Variants in RAD51B observed in about 807,000 individuals in gnomAD.
RAD51B encodes RAD51 paralog B, also known as DNA repair protein RAD51 homolog 2.
A neutral mutation model predicts 42.2 loss-of-function variants in RAD51B; 38 were observed. That is an observed-to-expected ratio of 0.90 (90% CI 0.70 to 1.18). RAD51B has a LOEUF of 1.18. RAD51B is among the 50% of genes most tolerant of loss of function. The pLI, the probability that RAD51B is intolerant of heterozygous loss-of-function variation, is 0.00. For synonymous variants in RAD51B, 154 were observed against 145.2 expected (o/e 1.06, Z -0.43); for missense variants, 373 against 400.7 (o/e 0.93, Z 0.59).
chr14:67,930,775 G>A (rs1595124875), intron 7 of RAD51B, among the ~76,000 whole-genome samples: 1 of 152,042 alleles, frequency 6.6e-6, no homozygotes, highest in East Asian at 1.9e-4. Flanking sequence ...AGGTTTTTGA[G>A]CATTTTTGTT....
intron 7 of RAD51B, among the ~76,000 whole-genome samples, chr14:68,227,822 C>A (rs967654330): frequency 7.9e-5 from 12 of 152,146 alleles, no homozygotes; most frequent in Admixed American, 2.0e-4. Context: ...GTATGATGGG[C>A]ATGCCTACAT....
intron 8 of RAD51B, among the ~76,000 whole-genome samples, chr14:68,364,244 G>C (rs986167708): frequency 2.6e-5 from 4 of 151,992 alleles, no homozygotes; most frequent in Admixed American, 2.6e-4. Flanking sequence ...TCCTCATCGC[G>C]GGCCTCAGGG....
At chr14:68,244,007 T>C (rs1470359776) in intron 7 of RAD51B, among the ~76,000 whole-genome samples, 1 of 152,210 alleles carries the variant, frequency 6.6e-6, no homozygotes, top group Non-Finnish European at 1.5e-5. Context: ...CTGCTTCCAG[T>C]GTATTACTTT....
rs112524897 is a variant in RAD51B, at chr14:68,315,615, G to T, written c.853+23635G>T. Among the ~76,000 whole-genome samples, 1,211 of 152,022 alleles carry T rather than the reference G, an allele frequency of 8.0e-3. 14 individuals are homozygous for T. The highest frequency in any genetic ancestry group is 0.028 in the African/African-American group (1,174 of 41,476). On this transcript the variant is annotated intron_variant, in intron 8 of 10. Coordinates refer to ENST00000471583, the MANE Select transcript of RAD51B (RefSeq NM_133510.4). ...CTGCTCACTGCAAGCTCCACCTCCCGGGTTCACACCATTCTCCTGCCTCAG... is the reference window on the plus strand; with the variant it reads ...CTGCTCACTGCAAGCTCCACCTCCCTGGTTCACACCATTCTCCTGCCTCAG...
chr14:67,918,355 C>G (rs1358692434), intron 7 of RAD51B, among the ~76,000 whole-genome samples: 1 of 152,174 alleles, frequency 6.6e-6, no homozygotes, highest in Non-Finnish European at 1.5e-5. Flanking sequence ...CTGCCTCAGC[C>G]TCCCGAGTAG....
chr14:68,253,493 A>G (rs571170951), intron 7 of RAD51B, among the ~76,000 whole-genome samples: 1 of 151,912 alleles, frequency 6.6e-6, no homozygotes, highest in Non-Finnish European at 1.5e-5. Context: ...TGTTTCAGTT[A>G]TTTTTCCCAG....
intron 8 of RAD51B, among the ~76,000 whole-genome samples, chr14:68,385,353 G>C (rs746979166): frequency 6.6e-6 from 1 of 152,038 alleles, no homozygotes; most frequent in Non-Finnish European, 1.5e-5. Context: ...ATAGATTTTC[G>C]CCTTACACCC....
intron 7 of RAD51B, among the ~76,000 whole-genome samples, chr14:68,070,140 TG>T (rs1212075490): frequency 6.6e-6 from 1 of 152,144 alleles, no homozygotes; most frequent in African/African-American, 2.4e-5. Context: ...TTCTCATTTT[TG>T]GCTTGTTGAT....
intron 7 of RAD51B, among the ~76,000 whole-genome samples, chr14:68,170,939 A>G (rs2078860002): frequency 6.6e-6 from 1 of 152,248 alleles, no homozygotes; most frequent in African/African-American, 2.4e-5. Flanking sequence ...TTCCAGAAGT[A>G]AAATGTTCCT....
downstream of RAD51B, among the ~76,000 whole-genome samples, chr14:68,615,624 C>T (rs1389201347): frequency 2.0e-5 from 3 of 152,178 alleles, no homozygotes; most frequent in Non-Finnish European, 2.9e-5. Flanking sequence ...GGATTACAGG[C>T]GTGAGCCACT....
chr14:68,423,741 C>G (rs1373266043), intron 9 of RAD51B, among the ~76,000 whole-genome samples: 1 of 152,130 alleles, frequency 6.6e-6, no homozygotes, highest in Non-Finnish European at 1.5e-5. Context: ...ACCTTCAATA[C>G]TTATACTTGG....
intron 9 of RAD51B, among the ~76,000 whole-genome samples, chr14:68,418,486 C>A (rs1041734794): frequency 2.6e-5 from 4 of 152,112 alleles, no homozygotes; most frequent in Non-Finnish European, 5.9e-5. Context: ...TGTCTGGTAC[C>A]AATTCCCCTT....
At chr14:68,672,801 G>C (rs1014325446) in intron 11 of RAD51B, among the ~76,000 whole-genome samples, 1 of 152,180 alleles carries the variant, frequency 6.6e-6, no homozygotes. Context: ...TGGACATCCA[G>C]GATGCAGCTT....
At chr14:68,025,476 C>CTTTTTTTTT (rs765471138) in intron 7 of RAD51B, among the ~76,000 whole-genome samples, 2 of 40,974 alleles carry the variant, frequency 4.9e-5, no homozygotes, top group African/African-American at 9.4e-5. Context: ...CTGGTCTAGG[C>CTTTTTTTTT]TTTTTTTTTT....
At chr14:68,110,142 G>A (rs2077437952) in intron 7 of RAD51B, among the ~76,000 whole-genome samples, 1 of 151,964 alleles carries the variant, frequency 6.6e-6, no homozygotes, top group Non-Finnish European at 1.5e-5. Flanking sequence ...AGTTTAACAT[G>A]TCTTTTGTGA....
Position 67,835,074 on chromosome 14 carries a change from G to T in RAD51B, c.199-6G>T, listed in dbSNP as rs1173010583. The T allele has an allele frequency of 1.3e-6, 2 of 1,591,506 alleles. No homozygotes were observed. Among genetic ancestry groups the T allele is most frequent in the East Asian group, 2.2e-5 (1 of 44,734 alleles). On this transcript the variant is annotated splice_region_variant and splice_polypyrimidine_tract_variant and intron_variant, in intron 3 of 10. Coordinates refer to ENST00000471583, the MANE Select transcript of RAD51B (RefSeq NM_133510.4). Reference sequence around the variant, plus strand: ...TGAAAAAAAACTTAATCATTTTCTTGTTTAGGCTTATGGGATAAAAGCACA... The same window carrying T: ...TGAAAAAAAACTTAATCATTTTCTTTTTTAGGCTTATGGGATAAAAGCACA...
At chr14:68,446,489 A>C (rs1473288638) in intron 9 of RAD51B, among the ~76,000 whole-genome samples, 1 of 152,102 alleles carries the variant, frequency 6.6e-6, no homozygotes, top group Non-Finnish European at 1.5e-5. Context: ...GATTGTACCC[A>C]CTGGGTTCAT....
At chr14:68,356,982 C>CAAAAAAAAAA (rs34774624) in intron 8 of RAD51B, among the ~76,000 whole-genome samples, 1 of 92,312 alleles carries the variant, frequency 1.1e-5, no homozygotes, top group Non-Finnish European at 2.1e-5. Context: ...GACTCCGTCT[C>CAAAAAAAAAA]AAAAAAAAAA....
At chr14:68,327,628 ATTAAC>A (rs2082275476) in intron 8 of RAD51B, among the ~76,000 whole-genome samples, 2 of 152,036 alleles carry the variant, frequency 1.3e-5, no homozygotes, top group South Asian at 2.1e-4. Context: ...TATTTTTATA[ATTAAC>A]TTAAGATTCA....
Sources: gnomAD v4.1 joint callset for allele counts (sites outside exome capture counted in the v4.1 genomes callset) on GRCh38, gnomAD v4.1.1 for gene constraint, MANE v1.5 for transcripts, NCBI Gene and HGNC (gene_info 2026-07-23, HGNC 2026-07-21) for gene names.